The following NCAPG variants were observed in gnomAD, a reference collection of about 807,000 sequenced individuals.
NCAPG encodes the protein condensin complex subunit 3.
Under a neutral mutation model 113.1 loss-of-function variants are expected in NCAPG, and 69 were observed. The ratio of observed to expected loss-of-function variants is 0.61; its 90% confidence interval spans 0.50 to 0.75. The LOEUF is 0.75. Among genes scored for constraint, NCAPG ranks in the 30% least tolerant of loss-of-function variants. The pLI, the probability that NCAPG is intolerant of heterozygous loss-of-function variation, is 0.00. For synonymous variants in NCAPG, 370 were observed against 415.8 expected (o/e 0.89, Z 1.34); for missense variants, 1,058 against 1,177.0 (o/e 0.90, Z 1.48).
rs144333982 is a variant in NCAPG, at chr4:17,838,686, T to C, written c.2466+885T>C. On this transcript the variant is annotated intron_variant, in intron 16 of 20. Coordinates refer to ENST00000251496, the MANE Select transcript of NCAPG (RefSeq NM_022346.5). Reference sequence around the variant, plus strand: ...GTAGAAAGATGACTTTGGCTAAGGATCCTGAATAGGACTGTTAGGGCACAA... The same window carrying C: ...GTAGAAAGATGACTTTGGCTAAGGACCCTGAATAGGACTGTTAGGGCACAA... Among the ~76,000 whole-genome samples, 365 of 152,244 alleles carry C rather than the reference T, an allele frequency of 2.4e-3. 1 individual carries two copies. Among genetic ancestry groups the C allele is most frequent in the African/African-American group, 7.8e-3 (326 of 41,544 alleles).
At chr4:17,816,320 A>G (rs940149416) in intron 5 of NCAPG, among the ~76,000 whole-genome samples, 4 of 152,188 alleles carry the variant, frequency 2.6e-5, no homozygotes, top group African/African-American at 9.7e-5. Context: ...GGAAGAGCTC[A>G]GGTGGTAATG....
rs1560238478 is a variant in NCAPG, at chr4:17,843,615, G to GTC, written c.*191_*192insCT. 2.1e-6 allele frequency: 1 copy of GTC among 481,394 alleles called. No individual in the cohort carries two copies. The highest frequency in any genetic ancestry group is 3.7e-6 in the Non-Finnish European group (1 of 270,196). 29.8% of individuals were successfully genotyped at this position (481,394 alleles called of 1,614,324 possible). A position where few individuals can be genotyped will look rare whatever the true frequency, so the allele number is the denominator to read the frequency against. On this transcript the variant is annotated 3_prime_UTR_variant, in exon 21 of 21. Coordinates refer to ENST00000251496, the MANE Select transcript of NCAPG (RefSeq NM_022346.5). The stretch of plus-strand genomic sequence containing the variant: ...TCAGTTATTATAGTCCAGAAAAAGT[G>GTC]TGCATCAGTCAGTCACACAGATTTA...
intron 12 of NCAPG, 21 bp downstream of exon 12, chr4:17,828,409 G>T: frequency 6.9e-7 from 1 of 1,457,974 alleles, no homozygotes; most frequent in Non-Finnish European, 9.5e-7. Flanking sequence ...GGCCTCTTGG[G>T]CTTTATTTTA....
In NCAPG at chr4:17,842,224, CAA is replaced by C. The variant is rs1285178114; in HGVS notation, c.2855-84_2855-83del. ...GTTGAAAGGATTGTTGTGTTGAAGA[CAA>C]AGGATTTAGTTAGCCTAGAAACTAG... is the stretch of plus-strand genomic sequence containing the variant. On this transcript the variant is annotated intron_variant, in intron 19 of 20. Coordinates refer to ENST00000251496, the MANE Select transcript of NCAPG (RefSeq NM_022346.5). 6 of 1,148,292 alleles carry C rather than the reference CAA, an allele frequency of 5.2e-6. No individual in the cohort carries two copies. The South Asian group carries it at 5.2e-5, about 10-fold the overall frequency. 71.1% of individuals were successfully genotyped at this position (1,148,292 alleles called of 1,614,324 possible). A position where few individuals can be genotyped will look rare whatever the true frequency, so the allele number is the denominator to read the frequency against.
chr4:17,812,539 G>T, intron 2 of NCAPG, 115 bp downstream of exon 2: 3 of 735,240 alleles, frequency 4.1e-6, no homozygotes, highest in Non-Finnish European at 6.9e-6. Flanking sequence ...GAAAAAACCT[G>T]AATGAGTCTA....
At chr4:17,816,437 T>G (rs1721215454) in intron 5 of NCAPG, among the ~76,000 whole-genome samples, 1 of 152,160 alleles carries the variant, frequency 6.6e-6, no homozygotes. Flanking sequence ...AGAATCTGCT[T>G]ATAGGAATGA....
At chr4:17,816,002 A>G (rs773771074) in intron 5 of NCAPG, among the ~76,000 whole-genome samples, 5 of 152,084 alleles carry the variant, frequency 3.3e-5, no homozygotes, top group Non-Finnish European at 7.4e-5. Context: ...ATACTTTGGT[A>G]TGAATGTGTT....
intron 6 of NCAPG, 116 bp from the exon 7 acceptor site, chr4:17,817,823 T>C: frequency 9.7e-7 from 1 of 1,025,676 alleles, no homozygotes; most frequent in Non-Finnish European, 1.3e-6. Flanking sequence ...ATGACTCTAA[T>C]TAAAAGGATA....
chr4:17,830,553 C>CTT (rs770223582), intron 12 of NCAPG, among the ~76,000 whole-genome samples: 20 of 137,304 alleles, frequency 1.5e-4, no homozygotes, highest in South Asian at 2.3e-4. Flanking sequence ...ACTAGTTTCA[C>CTT]TTTTTTTTTT....
chr4:17,843,517 T>A lies in NCAPG; in HGVS notation c.*92T>A. On this transcript the variant is annotated 3_prime_UTR_variant, in exon 21 of 21. Transcript: ENST00000251496. ...ACCCTTGTCAAAATCAGAACAAACC[T>A]GATGTCTTTCTGAAGATTTTCTGCT... 7.1e-7 allele frequency: 1 copy of A among 1,418,440 alleles called. No homozygotes were observed. The highest frequency in any genetic ancestry group is 9.7e-7 in the Non-Finnish European group (1 of 1,034,488). The allele number at this position is 1,418,440 out of a possible 1,614,324, so 87.9% of individuals were successfully genotyped here. A position where few individuals can be genotyped will look rare whatever the true frequency, so the allele number is the denominator to read the frequency against.
rs370461241 is a variant in NCAPG at position 17,839,677 on chromosome 4, C to T, written c.2468C>T (p.Ala823Val). The T allele has an allele frequency of 5.3e-6, 8 of 1,517,732 alleles. No individual in the cohort carries two copies. The African/African-American group carries it at 7.2e-5, about 14-fold the overall frequency. The allele number at this position is 1,517,732 out of a possible 1,614,324, so 94.0% of individuals were successfully genotyped here. Reference sequence around the variant, plus strand: ...GAGAATTTTCTCTTAATTTTTTAGGCCTTAACAGTACATGACAATTTGGCT... The same window carrying T: ...GAGAATTTTCTCTTAATTTTTTAGGTCTTAACAGTACATGACAATTTGGCT... ...PQAKTSQDYQ[A>V]LTVHDNLAMK... The change falls in exon 17 of 21, where the codon GCC becomes GTC. Residue 823 changes from alanine (A) to valine (V), a missense_variant and splice_region_variant. Physicochemically the swap from Ala to Val is moderately conservative, Grantham distance 64. Transcript: ENST00000251496.
intron 3 of NCAPG, among the ~76,000 whole-genome samples, chr4:17,814,037 T>A (rs1426447819): frequency 6.6e-6 from 1 of 152,156 alleles, no homozygotes; most frequent in Non-Finnish European, 1.5e-5. Context: ...GAAGTACAGA[T>A]AAATATATTT....
chr4:17,843,328 C>G lies in NCAPG; in HGVS notation c.2951C>G (p.Ser984Ter). 2.5e-6 allele frequency: 4 copies of G among 1,611,740 alleles called. No individual in the cohort carries two copies. The highest frequency in any genetic ancestry group is 3.4e-6 in the Non-Finnish European group (4 of 1,178,220). ...GATCATGAAGTTCCAGAACCAGAAT[C>G]AGAAATGAAGATGAGACTACCAAGA... ...ESDHEVPEPE[S>*]EMKMRLPRRA... The change falls in exon 21 of 21, where the codon TCA becomes TGA. Residue 984 changes from serine (S) to a stop codon, truncating the protein, a stop_gained. Coordinates refer to ENST00000251496, the MANE Select transcript of NCAPG (RefSeq NM_022346.5). LOFTEE classifies it high-confidence loss of function.
intron 17 of NCAPG, 67 bp downstream of exon 17, chr4:17,839,904 T>A: frequency 6.8e-7 from 1 of 1,468,676 alleles, no homozygotes; most frequent in Non-Finnish European, 9.2e-7. Flanking sequence ...ATTTACATGG[T>A]TGTATTAGAT....
intron 12 of NCAPG, among the ~76,000 whole-genome samples, chr4:17,830,136 T>C (rs1438819401): frequency 6.6e-6 from 1 of 152,182 alleles, no homozygotes; most frequent in Non-Finnish European, 1.5e-5. Flanking sequence ...GGCTCACACC[T>C]GTAATCCTAG....
In NCAPG at chr4:17,825,018, T is replaced by C. The variant is rs772872854; in HGVS notation, c.1434T>C (p.Val478=). ...GGGCGCCCATTGTTACTGTTGGTGT[T>C]AATAACGATCCAGCTGATGTAAGAA... is the stretch of plus-strand genomic sequence containing the variant. ...EIRAPIVTVG[V]NNDPADVRKK... Residue 478 remains valine, a synonymous_variant, in exon 10 of 21, where the codon GTT becomes GTC. Transcript: ENST00000251496. The C allele has an allele frequency of 6.2e-7, 1 of 1,612,940 alleles. No individual in the cohort carries two copies. Among genetic ancestry groups the C allele is most frequent in the South Asian group, 1.1e-5 (1 of 90,982 alleles).
Position 17,812,454 on chromosome 4 carries a change from G to A in NCAPG, c.315+30G>A. On this transcript the variant is annotated intron_variant, in intron 2 of 20. Transcript: ENST00000251496. ...TATGAAAATGATAGCTTTGGGGAGG[G>A]ATTTTAGAAAATTTTGCCACTTTAA... is the stretch of plus-strand genomic sequence containing the variant. 2.5e-6 allele frequency: 4 copies of A among 1,585,224 alleles called. No homozygotes were observed. In the South Asian group the frequency reaches 4.5e-5, roughly 18 times the overall value.
chr4:17,837,428 T>C (rs1396069273), intron 15 of NCAPG, 88 bp downstream of exon 15: 4 of 1,312,984 alleles, frequency 3.0e-6, no homozygotes, highest in African/African-American at 1.5e-5. Context: ...TATTTTGTTG[T>C]TGATACTTTT....
chr4:17,840,231 T>TGTG, intron 18 of NCAPG, 22 bp downstream of exon 18: 1 of 1,530,008 alleles, frequency 6.5e-7, no homozygotes, highest in East Asian at 2.4e-5. Context: ...CTGAACAGAA[T>TGTG]ATTTATAAGG....
Sources: allele counts gnomAD v4.1 joint callset (sites outside exome capture counted in the v4.1 genomes callset), GRCh38; gene constraint gnomAD v4.1.1; transcripts MANE v1.5; gene names NCBI Gene and HGNC (gene_info 2026-07-23, HGNC 2026-07-21).